The following SLC51A variants were observed in gnomAD, a reference collection of about 807,000 sequenced individuals.
The protein encoded by SLC51A is solute carrier family 51 member A.
A neutral mutation model predicts 34.8 loss-of-function variants in SLC51A; 22 were observed. The ratio of observed to expected loss-of-function variants is 0.63; its 90% confidence interval spans 0.45 to 0.90. SLC51A has a LOEUF of 0.90. Among genes scored for constraint, SLC51A ranks in the 40% least tolerant of loss-of-function variants. The pLI, the probability that SLC51A is intolerant of heterozygous loss-of-function variation, is 0.00. For missense variants in SLC51A, 371 were observed against 414.8 expected, an observed-to-expected ratio of 0.89 and a Z score of 0.92; for synonymous variants, 181 against 176.3, an observed-to-expected ratio of 1.03 and a Z score of -0.21.
chr3:196,226,901 G>A (rs567897891), intron 2 of SLC51A, 64 bp from the exon 3 acceptor site: 1 of 1,508,538 alleles, frequency 6.6e-7, no homozygotes, highest in African/African-American at 1.4e-5. Flanking sequence ...TCGATCCGAG[G>A]AACAAGCCCA....
chr3:196,228,955 C>T lies in SLC51A; in HGVS notation c.633+35C>T, dbSNP rs750551405. On this transcript the variant is annotated intron_variant, in intron 6 of 8. Transcript: ENST00000296327. This position sits in a 1 kb window ranked among gnomAD's most constrained non-coding sequence, Gnocchi z 4.9. Reference sequence around the variant, plus strand: ...GAGTAAGGGACAGCACAGTCCAAGACTCATTTAGTACCTTTGTGTTCTAAA... The same window carrying T: ...GAGTAAGGGACAGCACAGTCCAAGATTCATTTAGTACCTTTGTGTTCTAAA... The T allele has an allele frequency of 1.9e-5, 28 of 1,495,422 alleles. No individual in the cohort carries two copies. The Admixed American group carries it at 4.3e-4, about 23-fold the overall frequency. 92.6% of individuals were successfully genotyped at this position (1,495,422 alleles called of 1,614,324 possible). A position where few individuals can be genotyped will look rare whatever the true frequency, so the allele number is the denominator to read the frequency against.
At chr3:196,220,890 CTTTTTTT>C (rs758950658) in intron 2 of SLC51A, among the ~76,000 whole-genome samples, 3 of 132,324 alleles carry the variant, frequency 2.3e-5, no homozygotes, top group African/African-American at 8.4e-5. Flanking sequence ...CTTAATTTTT[CTTTTTTT>C]TTTTTTTTTT....
intron 2 of SLC51A, among the ~76,000 whole-genome samples, chr3:196,225,428 T>C (rs1029035941): frequency 7.2e-5 from 11 of 152,166 alleles, no homozygotes; most frequent in African/African-American, 2.7e-4. Flanking sequence ...TTGCTCCCAC[T>C]GAGCTGCCCT....
Position 196,228,688 on chromosome 3 carries a change from A to C in SLC51A, c.522-121A>C. ...TTTTTTCCTCTGTCCCCATCCACTT[A>C]ACCTGGTTGGTGTTTATGACAGCAG... On this transcript the variant is annotated intron_variant, in intron 5 of 8. Transcript: ENST00000296327. The surrounding 1 kb of genome is among the most constrained non-coding windows in gnomAD (Gnocchi z 4.9). 1 of 801,428 alleles carries C rather than the reference A, an allele frequency of 1.2e-6. No homozygotes were observed. The highest frequency in any genetic ancestry group is 2.2e-6 in the Non-Finnish European group (1 of 462,666). 49.6% of individuals were successfully genotyped at this position (801,428 alleles called of 1,614,324 possible).
chr3:196,217,252 G>C (rs1051745381), intron 1 of SLC51A, among the ~76,000 whole-genome samples: 1 of 152,228 alleles, frequency 6.6e-6, no homozygotes, highest in South Asian at 2.1e-4. Context: ...GAGGCCGGGC[G>C]CCTGTAATCC....
At chr3:196,220,457 T>TCCAC (rs1460933773) in intron 2 of SLC51A, among the ~76,000 whole-genome samples, 1 of 151,764 alleles carries the variant, frequency 6.6e-6, no homozygotes, top group Non-Finnish European at 1.5e-5. Flanking sequence ...ATTAGCCAGG[T>TCCAC]GTGGTGGCGC....
chr3:196,231,251 ACAT>A (rs1191212375), intron 7 of SLC51A, among the ~76,000 whole-genome samples: 1 of 152,114 alleles, frequency 6.6e-6, no homozygotes, highest in Admixed American at 6.5e-5. Context: ...ACTCCTCCAC[ACAT>A]CTGTCTTCTC....
intron 2 of SLC51A, among the ~76,000 whole-genome samples, chr3:196,219,543 G>C (rs1298089196): frequency 1.3e-5 from 2 of 152,166 alleles, no homozygotes; most frequent in Non-Finnish European, 2.9e-5. Flanking sequence ...ATCTGAACCA[G>C]AGCGGTTGCC....
At chr3:196,225,135 G>A (rs113854118) in intron 2 of SLC51A, among the ~76,000 whole-genome samples, 25 of 150,850 alleles carry the variant, frequency 1.7e-4, no homozygotes, top group South Asian at 6.3e-4. Flanking sequence ...CACCACACCC[G>A]GCTAATTTCT....
chr3:196,217,595 G>A (rs1577342340), intron 1 of SLC51A, among the ~76,000 whole-genome samples: 1 of 150,144 alleles, frequency 6.7e-6, no homozygotes, highest in East Asian at 2.0e-4. Context: ...AAAGAGAAGG[G>A]GAAGGAAGAG....
In SLC51A at chr3:196,229,464, G is replaced by A. The variant is rs1287844247; in HGVS notation, c.634-451G>A. Among the ~76,000 whole-genome samples the A allele has an allele frequency of 4.1e-5, 6 of 145,648 alleles. No homozygotes were observed. In the East Asian group the frequency reaches 8.5e-4, roughly 21 times the overall value. ...CGCATCTCGGCTCACTGCAACCTCC[G>A]CCTCCCGGGTTTAAGTGATTCTCCT... is the stretch of plus-strand genomic sequence containing the variant. On this transcript the variant is annotated intron_variant, in intron 6 of 8. Transcript: ENST00000296327.
intron 8 of SLC51A, 81 bp from the exon 9 acceptor site, chr3:196,232,982 A>C: frequency 7.1e-7 from 1 of 1,410,346 alleles, no homozygotes; most frequent in Non-Finnish European, 9.8e-7. Flanking sequence ...AGTGTTGCTC[A>C]ACTCCCGTGC....
chr3:196,231,115 C>T (rs1230334635), intron 7 of SLC51A, among the ~76,000 whole-genome samples: 1 of 152,208 alleles, frequency 6.6e-6, no homozygotes, highest in Non-Finnish European at 1.5e-5. Flanking sequence ...TCACACATTA[C>T]ACTTCAATTT....
chr3:196,232,254 C>T (rs1724042775), intron 7 of SLC51A, 165 bp from the exon 8 acceptor site: 3 of 567,924 alleles, frequency 5.3e-6, no homozygotes, highest in Admixed American at 6.3e-5. Context: ...ATGAAAATCC[C>T]ACAGATTTTT....
chr3:196,225,273 C>T (rs916801574), intron 2 of SLC51A, among the ~76,000 whole-genome samples: 28 of 152,096 alleles, frequency 1.8e-4, no homozygotes, highest in Non-Finnish European at 2.8e-4. Context: ...CGTGCCCAGC[C>T]GAGGGTCAGC....
chr3:196,223,816 G>A lies in SLC51A; in HGVS notation c.134-3149G>A, dbSNP rs560323631. On this transcript the variant is annotated intron_variant, in intron 2 of 8. Transcript: ENST00000296327. ...CATCTACAGTCCCACCCAGAGACAG[G>A]CACGGCAAATATCTTAGTGTAATTT... 161 of 411,892 alleles carry A rather than the reference G, an allele frequency of 3.9e-4. 5 individuals carry two copies. The highest frequency in any genetic ancestry group is 2.4e-3 in the Middle Eastern group (3 of 1,260). 25.5% of individuals were successfully genotyped at this position (411,892 alleles called of 1,614,324 possible). A position where few individuals can be genotyped will look rare whatever the true frequency, so the allele number is the denominator to read the frequency against.
intron 2 of SLC51A, among the ~76,000 whole-genome samples, chr3:196,221,784 C>T (rs1361188704): frequency 6.6e-6 from 1 of 151,258 alleles, no homozygotes. Flanking sequence ...GGTGTGATCT[C>T]AGCTCACTAC....
rs1176377360 is a variant in SLC51A at position 196,216,621 on chromosome 3, AG to A, written c.-90del. On this transcript the variant is annotated 5_prime_UTR_variant, in exon 1 of 9. Coordinates refer to ENST00000296327, the MANE Select transcript of SLC51A (RefSeq NM_152672.6). The surrounding 1 kb of genome is among the most constrained non-coding windows in gnomAD (Gnocchi z 4.5). The stretch of plus-strand genomic sequence containing the variant: ...TTCTGCTTGCCCCCCACCCCGGCCC[AG>A]GCAAGCCACCCTGCCCCCGGCCCCC... 98 of 1,098,826 alleles carry A rather than the reference AG, an allele frequency of 8.9e-5. No individual in the cohort carries two copies. The highest frequency in any genetic ancestry group is 1.3e-4 in the Non-Finnish European group (95 of 753,012). The allele number at this position is 1,098,826 out of a possible 1,614,324, so 68.1% of individuals were successfully genotyped here.
chr3:196,219,163 T>C (rs1279011178), intron 2 of SLC51A, among the ~76,000 whole-genome samples: 2 of 151,766 alleles, frequency 1.3e-5, no homozygotes, highest in Non-Finnish European at 2.9e-5. Context: ...GAGGCGGAGG[T>C]TGCAGTGAGC....
Sources: gnomAD v4.1 joint callset for allele counts (sites outside exome capture counted in the v4.1 genomes callset) on GRCh38, gnomAD v4.1.1 for gene constraint, Gnocchi (gnomAD v3.1) non-coding constraint, MANE v1.5 for transcripts, NCBI Gene and HGNC (gene_info 2026-07-23, HGNC 2026-07-21) for gene names.